The following TBC1D32 variants were observed in gnomAD, a reference collection of about 807,000 sequenced individuals.
TBC1D32 encodes the protein TBC1 domain family member 32.
A neutral mutation model predicts 170.3 loss-of-function variants in TBC1D32; 151 were observed. The ratio of observed to expected loss-of-function variants is 0.89; its 90% CI spans 0.78 to 1.01. The LOEUF (loss-of-function observed/expected upper bound fraction) is 1.01, where lower values mean the gene tolerates loss of function less well. TBC1D32 is among the 50% of genes least tolerant of loss of function. The pLI is 0.00. For synonymous variants in TBC1D32, 498 were observed against 488.0 expected, an observed-to-expected ratio of 1.02 and a Z score of -0.27; for missense variants, 1,464 against 1,457.1, an observed-to-expected ratio of 1.00 and a Z score of -0.08.
intron 17 of TBC1D32, among the ~76,000 whole-genome samples, chr6:121,243,219 A>C (rs1356211433): frequency 6.6e-6 from 1 of 152,098 alleles, no homozygotes; most frequent in Non-Finnish European, 1.5e-5. Context: ...AAAATGTAAA[A>C]AAAACTAAAC....
intron 5 of TBC1D32, among the ~76,000 whole-genome samples, chr6:121,305,474 C>T (rs757315987): frequency 5.3e-5 from 8 of 151,660 alleles, no homozygotes; most frequent in Non-Finnish European, 1.5e-5. Flanking sequence ...AAGATTAATC[C>T]TAATAGTGAA....
chr6:121,320,685 T>C (rs1267746995), intron 2 of TBC1D32, among the ~76,000 whole-genome samples: 1 of 152,158 alleles, frequency 6.6e-6, no homozygotes, highest in Non-Finnish European at 1.5e-5. Flanking sequence ...TGATGTCAAT[T>C]TGTCAATTGC....
At chr6:121,217,773 A>C (rs1054401859) in intron 21 of TBC1D32, among the ~76,000 whole-genome samples, 1 of 152,184 alleles carries the variant, frequency 6.6e-6, no homozygotes, top group African/African-American at 2.4e-5. Flanking sequence ...ACAATCCTAC[A>C]CATGTACCAC....
At chr6:121,232,874 T>C (rs1219164634) in intron 20 of TBC1D32, among the ~76,000 whole-genome samples, 1 of 152,128 alleles carries the variant, frequency 6.6e-6, no homozygotes, top group Non-Finnish European at 1.5e-5. Flanking sequence ...AACTTTCCTC[T>C]TAGCCCCGCT....
chr6:121,251,909 T>G (rs1262699307), intron 17 of TBC1D32, among the ~76,000 whole-genome samples: 2 of 152,042 alleles, frequency 1.3e-5, no homozygotes, highest in African/African-American at 4.8e-5. Flanking sequence ...CAGACACTTC[T>G]GAAAAGAAGA....
intron 20 of TBC1D32, among the ~76,000 whole-genome samples, chr6:121,235,343 G>T (rs780176092): frequency 6.6e-6 from 1 of 152,120 alleles, no homozygotes; most frequent in Non-Finnish European, 1.5e-5. Context: ...TCAGCTACCA[G>T]GGAGGGTAAA....
chr6:121,184,310 G>A (rs1392308921), intron 22 of TBC1D32, among the ~76,000 whole-genome samples: 1 of 151,862 alleles, frequency 6.6e-6, no homozygotes, highest in Non-Finnish European at 1.5e-5. Flanking sequence ...ATATGCTTTA[G>A]TAAAACAAGA....
At chr6:121,304,131 T>C (rs1005081831) in intron 8 of TBC1D32, among the ~76,000 whole-genome samples, 1 of 149,132 alleles carries the variant, frequency 6.7e-6, no homozygotes, top group Non-Finnish European at 1.5e-5. Context: ...AAAAAACTAA[T>C]GCTACATTTT....
At chr6:121,156,885 C>A (rs1183627545) in intron 24 of TBC1D32, among the ~76,000 whole-genome samples, 1 of 151,878 alleles carries the variant, frequency 6.6e-6, no homozygotes, top group Non-Finnish European at 1.5e-5. Context: ...GTGTGCTTGG[C>A]ATCATTTTTA....
intron 9 of TBC1D32, among the ~76,000 whole-genome samples, chr6:121,300,128 T>C (rs754498915): frequency 3.9e-5 from 6 of 152,134 alleles, no homozygotes; most frequent in Admixed American, 2.0e-4. Context: ...GTTCAAAATA[T>C]AGTTTCTTCA....
At chr6:121,283,725 A>C in intron 13 of TBC1D32, 93 bp downstream of exon 13, 1 of 882,896 alleles carries the variant, frequency 1.1e-6, no homozygotes, top group South Asian at 1.7e-5. Flanking sequence ...TACTTACCAA[A>C]GTAGGTCAGG....
chr6:121,277,487 C>CAAAAAAAAAAA (rs755504493), intron 15 of TBC1D32, among the ~76,000 whole-genome samples: 1 of 28,218 alleles, frequency 3.5e-5, no homozygotes, highest in Admixed American at 3.5e-4. Context: ...GACTCCATCT[C>CAAAAAAAAAAA]AAAAAAAAAA....
At position 121,092,211 on chromosome 6, in the gene TBC1D32, C is replaced by A. The variant is rs1208462400; in HGVS notation, c.3466-1170G>T. The stretch of plus-strand genomic sequence containing the variant: ...AAACACAACTACTTTCCAATATTTT[C>A]ATTTTCATTTATGATTTACAAATTA... On this transcript the variant is annotated intron_variant, in intron 30 of 31. Coordinates refer to ENST00000398212, the MANE Select transcript of TBC1D32 (RefSeq NM_152730.6). Among the ~76,000 whole-genome samples, 3 of 147,984 alleles carry A rather than the reference C, an allele frequency of 2.0e-5. No individual in the cohort carries two copies. In the South Asian group the frequency reaches 6.7e-4, roughly 33 times the overall value.
rs770545455 is a variant in TBC1D32 at position 121,321,788 on chromosome 6, T to C, written c.162A>G (p.Glu54=). The C allele has an allele frequency of 6.2e-7, 1 of 1,606,224 alleles. No individual in the cohort carries two copies. Residue 54 remains glutamate, a synonymous_variant, in exon 2 of 32, where the codon GAA becomes GAG. Transcript: ENST00000398212. ...EETDENFHNY[E]FVKYLRQHIG... is the part of the protein sequence containing the mutation. ...TATGCTGCCTGAGGTATTTCACAAA[T>C]TCATAGCTGAAACAAATATTTAGAA...
At chr6:121,172,616 A>G (rs1787191335) in intron 22 of TBC1D32, among the ~76,000 whole-genome samples, 1 of 152,216 alleles carries the variant, frequency 6.6e-6, no homozygotes, top group South Asian at 2.1e-4. Flanking sequence ...GGGTAGTAGA[A>G]GAAGGTAGTC....
intron 22 of TBC1D32, among the ~76,000 whole-genome samples, chr6:121,191,712 T>C (rs1392883221): frequency 6.6e-6 from 1 of 152,086 alleles, no homozygotes; most frequent in African/African-American, 2.4e-5. Context: ...AGTGTCAACT[T>C]GATTGGATTT....
intron 29 of TBC1D32, among the ~76,000 whole-genome samples, chr6:121,110,197 G>A (rs1019897982): frequency 6.6e-6 from 1 of 150,748 alleles, no homozygotes; most frequent in African/African-American, 2.4e-5. Context: ...CTTGCAGTGT[G>A]CCGAGATCAT....
intron 24 of TBC1D32, among the ~76,000 whole-genome samples, chr6:121,141,464 C>A (rs1391999412): frequency 6.6e-6 from 1 of 152,052 alleles, no homozygotes; most frequent in East Asian, 1.9e-4. Flanking sequence ...TATTAAAAAA[C>A]AAATAACTCA....
At chr6:121,158,925 C>T (rs1685269754) in intron 24 of TBC1D32, among the ~76,000 whole-genome samples, 1 of 152,074 alleles carries the variant, frequency 6.6e-6, no homozygotes, top group Non-Finnish European at 1.5e-5. Flanking sequence ...TTGATCTCCA[C>T]TGGTCTTATG....
Sources: gnomAD v4.1 joint callset for allele counts (sites outside exome capture counted in the v4.1 genomes callset) on GRCh38, gnomAD v4.1.1 for gene constraint, MANE v1.5 for transcripts, NCBI Gene and HGNC (gene_info 2026-07-23, HGNC 2026-07-21) for gene names.